PTK2B: variants seen among roughly 807,000 people sequenced by gnomAD.
The protein encoded by PTK2B is protein-tyrosine kinase 2-beta.
PTK2B carries 71 observed loss-of-function variants against 142.9 expected under a neutral mutation model. That is an observed-to-expected ratio of 0.50 (90% CI 0.41 to 0.61). PTK2B has a LOEUF of 0.61. Among genes scored for constraint, PTK2B ranks in the 20% least tolerant of loss-of-function variants. PTK2B has a pLI of 0.00. For synonymous variants in PTK2B, 519 were observed against 503.4 expected (o/e 1.03, Z -0.42); for missense variants, 1,105 against 1,320.4 (o/e 0.84, Z 2.53).
In PTK2B at chr8:27,350,989, AAATATATATATATAT is replaced by A. The variant is rs1226101616; in HGVS notation, c.-38+25310_-38+25324del. Among the ~76,000 whole-genome samples, 27 of 17,724 alleles carry A rather than the reference AAATATATATATATAT, an allele frequency of 1.5e-3. 6 individuals carry two copies. Among genetic ancestry groups the A allele is most frequent in the East Asian group, 0.01 (15 of 1,448 alleles). 11.6% of individuals were successfully genotyped at this position (17,724 alleles called of 152,430 possible). A position where few individuals can be genotyped will look rare whatever the true frequency, so the allele number is the denominator to read the frequency against. On this transcript the variant is annotated intron_variant, in intron 1 of 30. Transcript: ENST00000346049. ...AGTCTCCGTCTCAAAAAAAAAAAAAAAATATATATATATATATATATATATATATATATATATATA... is the reference window on the plus strand; with the variant it reads ...AGTCTCCGTCTCAAAAAAAAAAAAAAATATATATATATATATATATATATA...
intron 21 of PTK2B, 137 bp from the exon 22 acceptor site, chr8:27,442,738 A>C: frequency 1.5e-6 from 1 of 665,766 alleles, no homozygotes; most frequent in South Asian, 1.9e-5. Context: ...GACACTCTGC[A>C]GTGAAGATCG....
exon 1 of PTK2B, chr8:27,311,539 C>T (rs1802973165): frequency 4.5e-6 from 2 of 447,208 alleles, no homozygotes; most frequent in Non-Finnish European, 7.9e-6. Flanking sequence ...ACGGAAGGGT[C>T]TCCCAGGCGG....
intron 1 of PTK2B, among the ~76,000 whole-genome samples, chr8:27,362,099 C>T (rs894323151): frequency 2.0e-5 from 3 of 152,178 alleles, no homozygotes; most frequent in Admixed American, 6.5e-5. Context: ...AATCGCTGAC[C>T]TGTCTGGGCA....
At chr8:27,394,025 C>T (rs1649574595) in intron 1 of PTK2B, among the ~76,000 whole-genome samples, 1 of 152,180 alleles carries the variant, frequency 6.6e-6, no homozygotes, top group Non-Finnish European at 1.5e-5. Flanking sequence ...CATCAGAGTA[C>T]TTAGAGAAAC....
intron 5 of PTK2B, among the ~76,000 whole-genome samples, chr8:27,422,978 G>A (rs1809854403): frequency 6.6e-6 from 1 of 152,174 alleles, no homozygotes. Flanking sequence ...GCCACTGGAA[G>A]GAGGAGAAAG....
Position 27,458,620 on chromosome 8 carries a change from C to T in PTK2B, c.*111C>T. On this transcript the variant is annotated 3_prime_UTR_variant, in exon 31 of 31. Transcript: ENST00000346049. Reference sequence around the variant, plus strand: ...CAGGGGGAAGGCCAAGGGGAGTCACCTTCCCTTGCCACTTTGCACGACGCC... The same window carrying T: ...CAGGGGGAAGGCCAAGGGGAGTCACTTTCCCTTGCCACTTTGCACGACGCC... 8.8e-7 allele frequency: 1 copy of T among 1,134,974 alleles called. No individual in the cohort carries two copies. The highest frequency in any genetic ancestry group is 1.5e-5 in the African/African-American group (1 of 65,008). 70.3% of individuals were successfully genotyped at this position (1,134,974 alleles called of 1,614,324 possible).
At chr8:27,457,726 G>A (rs1271897193) in intron 30 of PTK2B, among the ~76,000 whole-genome samples, 1 of 152,164 alleles carries the variant, frequency 6.6e-6, no homozygotes, top group South Asian at 2.1e-4. Context: ...TATAATCTCA[G>A]CACTATGGGA....
At chr8:27,384,005 T>G (rs1190110276) in intron 1 of PTK2B, among the ~76,000 whole-genome samples, 2 of 152,004 alleles carry the variant, frequency 1.3e-5, no homozygotes, top group African/African-American at 4.8e-5. Context: ...TGAGCCACCA[T>G]GCCCAGCTAA....
Position 27,430,129 on chromosome 8 carries a change from C to T in PTK2B, c.588C>T (p.Asp196=). The T allele has an allele frequency of 6.2e-7, 1 of 1,613,964 alleles. No individual in the cohort carries two copies. The highest frequency in any genetic ancestry group is 1.1e-5 in the South Asian group (1 of 91,082). Residue 196 remains aspartate (D), a synonymous_variant, in exon 6 of 31, where the codon GAC becomes GAT. Transcript: ENST00000346049. ...FFKDMPHNAL[D]KKSNFELLEK... ...AGGATATGCCCCACAATGCACTTGA[C>T]AAGAAGTCCAACTTCGAGCTCCTAG...
chr8:27,447,956 C>T (rs944707830), intron 24 of PTK2B, among the ~76,000 whole-genome samples: 4 of 152,230 alleles, frequency 2.6e-5, no homozygotes, highest in Admixed American at 6.5e-5. Context: ...AGGGGGGAGG[C>T]GCTGCTTTCA....
intron 18 of PTK2B, among the ~76,000 whole-genome samples, chr8:27,438,453 G>T (rs1279007481): frequency 1.8e-4 from 1 of 5,560 alleles, no homozygotes. Flanking sequence ...TGGCTCTGTG[G>T]CCTTGTGCCT....
At position 27,397,756 on chromosome 8, in the gene PTK2B, C is replaced by T. The variant is rs758391373; in HGVS notation, c.172C>T (p.Leu58=). 9 of 1,614,146 alleles carry T rather than the reference C, an allele frequency of 5.6e-6. No individual in the cohort carries two copies. In the African/African-American group the frequency reaches 1.1e-4, roughly 19 times the overall value. The change falls in exon 2 of 31, where the codon CTG becomes TTG. Residue 58 remains leucine, a synonymous_variant. Coordinates refer to ENST00000346049, the MANE Select transcript of PTK2B (RefSeq NM_173176.3). ...NSFNPGKNFK[L]VKCTVQTEIR... ...CTTCAATCCTGGGAAAAACTTCAAA[C>T]TGGTCAAATGCACTGTCCAGACGGA... is the stretch of plus-strand genomic sequence containing the variant.
rs188133020 is a variant in PTK2B at position 27,383,551 on chromosome 8, G to A, written c.-37-13997G>A. On this transcript the variant is annotated intron_variant, in intron 1 of 30. Coordinates refer to ENST00000346049, the MANE Select transcript of PTK2B (RefSeq NM_173176.3). Reference sequence around the variant, plus strand: ...TGGGATTACAGGTGTGAGCCACCGCGCCTGGCCTCCTCTGTTTCTTTCATC... The same window carrying A: ...TGGGATTACAGGTGTGAGCCACCGCACCTGGCCTCCTCTGTTTCTTTCATC... Among the ~76,000 whole-genome samples the A allele has an allele frequency of 5.3e-3, 810 of 152,170 alleles. 3 individuals carry two copies. Among genetic ancestry groups the A allele is most frequent in the Middle Eastern group, 0.02 (6 of 294 alleles).
At chr8:27,452,996 A>G in intron 27 of PTK2B, 118 bp from the exon 28 acceptor site, 1 of 1,241,768 alleles carries the variant, frequency 8.1e-7, no homozygotes. Context: ...ATTCAGAGTT[A>G]ATTTCCCTGA....
intron 8 of PTK2B, 120 bp downstream of exon 8, chr8:27,431,136 C>T: frequency 2.7e-6 from 4 of 1,497,254 alleles, no homozygotes; most frequent in Non-Finnish European, 1.8e-6. Context: ...GGCAGCAGGA[C>T]CTCGCTGACC....
chr8:27,384,424 G>C (rs1250503195), intron 1 of PTK2B, among the ~76,000 whole-genome samples: 1 of 152,214 alleles, frequency 6.6e-6, no homozygotes, highest in East Asian at 1.9e-4. Context: ...TTTTGGTGGA[G>C]TCTTTAGGTG....
rs59096481 is a variant in PTK2B at position 27,382,582 on chromosome 8, A to G, written c.-37-14966A>G. On this transcript the variant is annotated intron_variant, in intron 1 of 30. Transcript: ENST00000346049. Reference sequence around the variant, plus strand: ...TTTTTTTTTTTAATCCCATGTGCCTATTTTTGCTTCTGTTACCTGTGTTTT... The same window carrying G: ...TTTTTTTTTTTAATCCCATGTGCCTGTTTTTGCTTCTGTTACCTGTGTTTT... Among the ~76,000 whole-genome samples, 936 of 151,580 alleles carry G rather than the reference A, an allele frequency of 6.2e-3. 11 individuals carry two copies. Among genetic ancestry groups the G allele is most frequent in the African/African-American group, 0.022 (907 of 41,310 alleles).
chr8:27,332,667 G>A (rs1250812685), intron 1 of PTK2B, among the ~76,000 whole-genome samples: 1 of 151,916 alleles, frequency 6.6e-6, no homozygotes, highest in African/African-American at 2.4e-5. Flanking sequence ...CAGCAACCTT[G>A]ACCTCTCAGG....
chr8:27,381,743 C>T (rs912852983), intron 1 of PTK2B, among the ~76,000 whole-genome samples: 10 of 152,182 alleles, frequency 6.6e-5, no homozygotes, highest in Non-Finnish European at 1.0e-4. Flanking sequence ...TACGGTTCCC[C>T]GTAATGGTTA....
Sources: gnomAD v4.1 joint callset for allele counts (sites outside exome capture counted in the v4.1 genomes callset) on GRCh38, gnomAD v4.1.1 for gene constraint, MANE v1.5 for transcripts, NCBI Gene and HGNC (gene_info 2026-07-23, HGNC 2026-07-21) for gene names.